The following ISLR2 variants were observed in gnomAD, a reference collection of about 807,000 sequenced individuals.
The protein encoded by ISLR2 is immunoglobulin superfamily containing leucine rich repeat 2, also known as immunoglobulin superfamily containing leucine-rich repeat protein 2.
A neutral mutation model predicts 25.5 loss-of-function variants in ISLR2; 16 were observed. That is an observed-to-expected ratio of 0.63 (90% CI 0.43 to 0.95). The LOEUF (loss-of-function observed/expected upper bound fraction) is 0.95, where lower values mean the gene tolerates loss of function less well. Ranked by LOEUF, ISLR2 falls within the 40% of genes least tolerant of loss-of-function variation. The pLI, the probability that ISLR2 is intolerant of heterozygous loss-of-function variation, is 0.00. For missense variants in ISLR2, 883 were observed against 1,030.7 expected (o/e 0.86, Z 1.96); for synonymous variants, 508 against 486.6 (o/e 1.04, Z -0.58).
chr15:74,125,132 T>C (rs566999326), upstream of ISLR2, among the ~76,000 whole-genome samples: 3 of 152,238 alleles, frequency 2.0e-5, no homozygotes, highest in African/African-American at 4.8e-5. Context: ...TCAGAAAATC[T>C]CTTGGGGAAA....
intron 1 of ISLR2, among the ~76,000 whole-genome samples, chr15:74,100,677 T>C (rs2072077892): frequency 8.0e-6 from 1 of 125,642 alleles, no homozygotes; most frequent in Admixed American, 8.8e-5. Flanking sequence ...TAAAGCTTAA[T>C]AAGTTTTCAT....
At chr15:74,141,159 T>C (rs1034532885), downstream of ISLR2, among the ~76,000 whole-genome samples, 1 of 152,250 alleles carries the variant, frequency 6.6e-6, no homozygotes, top group East Asian at 1.9e-4. Flanking sequence ...GTGTGCTTTG[T>C]TTGAACATGT....
chr15:74,123,322 C>G (rs2072267886), upstream of ISLR2, among the ~76,000 whole-genome samples: 1 of 152,046 alleles, frequency 6.6e-6, no homozygotes, highest in Non-Finnish European at 1.5e-5. Flanking sequence ...ACCCCAGGCT[C>G]CCAAGGAGGG....
At chr15:74,114,006 C>G (rs1262842442) in intron 2 of ISLR2, among the ~76,000 whole-genome samples, 2 of 152,258 alleles carry the variant, frequency 1.3e-5, no homozygotes, top group Non-Finnish European at 2.9e-5. Flanking sequence ...CTTTCTGATA[C>G]TCTGCCACAC....
Position 74,136,284 on chromosome 15 carries a change from G to T in ISLR2, c.*1292G>T. 6.0e-6 allele frequency: 1 copy of T among 165,918 alleles called. No individual in the cohort carries two copies. The allele number at this position is 165,918 out of a possible 1,614,324, so 10.3% of individuals were successfully genotyped here. A position where few individuals can be genotyped will look rare whatever the true frequency, so the allele number is the denominator to read the frequency against. On this transcript the variant is annotated 3_prime_UTR_variant, in exon 3 of 3. Coordinates refer to ENST00000453268, the MANE Select transcript of ISLR2 (RefSeq NM_020851.3). ...ACCCTAGCTGGAAAGCGCCGGAGGC[G>T]GAGGAAGCTGACTGTGGCCTCCCGG...
rs752612967 is a variant in ISLR2 at position 74,134,950 on chromosome 15, C to T, written c.2196C>T (p.Ile732=). 13 of 1,613,768 alleles carry T rather than the reference C, an allele frequency of 8.1e-6. No homozygotes were observed. Among genetic ancestry groups the T allele is most frequent in the South Asian group, 1.1e-5 (1 of 91,076 alleles). ...RLPLGAEAVN[I]AQEINGNYRQ... is the part of the protein sequence containing the mutation. ...CCCTGGGCGCCGAGGCGGTCAACATCGCCCAGGAGATTAATGGCAACTACA... is the reference window on the plus strand; with the variant it reads ...CCCTGGGCGCCGAGGCGGTCAACATTGCCCAGGAGATTAATGGCAACTACA... The change falls in exon 3 of 3, where the codon ATC becomes ATT. Residue 732 remains isoleucine, a synonymous_variant. Transcript: ENST00000453268.
At chr15:74,102,526 TAG>T (rs2072088203) in intron 1 of ISLR2, among the ~76,000 whole-genome samples, 1 of 149,570 alleles carries the variant, frequency 6.7e-6, no homozygotes, top group African/African-American at 2.5e-5. Flanking sequence ...TCTCAAACAT[TAG>T]AGTGCATCCT....
intron 2 of ISLR2, among the ~76,000 whole-genome samples, chr15:74,111,193 G>T (rs1262724511): frequency 4.6e-5 from 7 of 150,978 alleles, no homozygotes; most frequent in Non-Finnish European, 8.8e-5. Context: ...TGCACAACTT[G>T]GATGTATCTC....
At position 74,134,303 on chromosome 15, in the gene ISLR2, G is replaced by A; in HGVS notation, c.1549G>A (p.Gly517Ser). Reference sequence around the variant, plus strand: ...CTGGGGCCCTGGGCCCGGCGGGGCTGGCGGAGCCCCGCGACCCGGGCGGCG... The same window carrying A: ...CTGGGGCCCTGGGCCCGGCGGGGCTAGCGGAGCCCCGCGACCCGGGCGGCG... Reference protein sequence around the residue: ...ARWGPGPGGAGGAPRPGRRPL... With the variant: ...ARWGPGPGGASGAPRPGRRPL... Residue 517 changes from glycine (G) to serine (S), a missense_variant, in exon 3 of 3, where the codon GGC (glycine) becomes AGC (serine). Gly to Ser is a moderately conservative substitution (Grantham distance 56). This residue lies in a region of ISLR2 where 612 missense variants were observed against 642.8 expected (regional missense o/e 0.95). Transcript: ENST00000453268. 2 of 1,532,046 alleles carry A rather than the reference G, an allele frequency of 1.3e-6. No homozygotes were observed. Among genetic ancestry groups the A allele is most frequent in the South Asian group, 1.2e-5 (1 of 81,674 alleles). 94.9% of individuals were successfully genotyped at this position (1,532,046 alleles called of 1,614,324 possible).
At chr15:74,123,314 C>T (rs555422171), upstream of ISLR2, among the ~76,000 whole-genome samples, 18 of 151,888 alleles carry the variant, frequency 1.2e-4, no homozygotes, top group Non-Finnish European at 2.5e-4. Flanking sequence ...AAGCCACAAC[C>T]CCAGGCTCCC....
chr15:74,114,531 G>C lies in ISLR2; in HGVS notation n.228+10617G>C, dbSNP rs375297973. ...CCAGCACTTTGGGAGGCTGAGGTGG[G>C]AGGATCGCTTGAGGCCATGAAGTGG... is the stretch of plus-strand genomic sequence containing the variant. On this transcript the variant is annotated intron_variant and non_coding_transcript_variant, in intron 2 of 3. Coordinates refer to the ISLR2 transcript ENST00000561975. Among the ~76,000 whole-genome samples the C allele has an allele frequency of 9.9e-5, 15 of 152,134 alleles. No homozygotes were observed. In the East Asian group the frequency reaches 1.9e-3, roughly 20 times the overall value.
At chr15:74,115,951 A>G (rs1198759840) in intron 2 of ISLR2, among the ~76,000 whole-genome samples, 1 of 151,684 alleles carries the variant, frequency 6.6e-6, no homozygotes, top group Admixed American at 6.6e-5. Context: ...TAATCCCAGC[A>G]CTTTGGGAGG....
intron 2 of ISLR2, among the ~76,000 whole-genome samples, chr15:74,114,427 A>C (rs1441620366): frequency 6.6e-6 from 1 of 152,188 alleles, no homozygotes; most frequent in Non-Finnish European, 1.5e-5. Flanking sequence ...CCACTGACAC[A>C]CAGGAAAAAA....
rs746640847 is a variant in ISLR2 at position 74,133,463 on chromosome 15, C to G, written c.709C>G (p.Leu237Val). 12 of 1,612,396 alleles carry G rather than the reference C, an allele frequency of 7.4e-6. No homozygotes were observed. Among genetic ancestry groups the G allele is most frequent in the Admixed American group, 6.7e-5 (4 of 60,012 alleles). ...GCCCTGTGCACCGCCCAGCGTGCAT[C>G]TGAGTGCCGAGCCACCGCTTGAAGC... ...ALPCAPPSVH[L>V]SAEPPLEAPG... Residue 237 changes from leucine to valine, a missense_variant, in exon 3 of 3, where the codon CTG (leucine) becomes GTG (valine). Transcript: ENST00000453268.
At chr15:74,116,237 C>T (rs1394804550) in intron 2 of ISLR2, among the ~76,000 whole-genome samples, 2 of 151,862 alleles carry the variant, frequency 1.3e-5, no homozygotes, top group Non-Finnish European at 2.9e-5. Context: ...AAAAAGTTAA[C>T]TCTGCAGATA....
At chr15:74,129,748 G>C (rs941958358), upstream of ISLR2, 1 of 152,512 alleles carries the variant, frequency 6.6e-6, no homozygotes, top group Non-Finnish European at 1.5e-5. The surrounding 1 kb of genome is among the most constrained non-coding windows in gnomAD (Gnocchi z 4.5). Flanking sequence ...GCGGGGCGGT[G>C]AGGGGCCACC....
intron 2 of ISLR2, among the ~76,000 whole-genome samples, chr15:74,120,725 C>T (rs1455001935): frequency 6.6e-6 from 1 of 151,920 alleles, no homozygotes; most frequent in Non-Finnish European, 1.5e-5. Context: ...AACCTGCTTA[C>T]CCTTTGTGAT....
chr15:74,134,010 G>T lies in ISLR2; in HGVS notation c.1256G>T (p.Gly419Val). 1 of 1,612,944 alleles carries T rather than the reference G, an allele frequency of 6.2e-7. No individual in the cohort carries two copies. The highest frequency in any genetic ancestry group is 8.5e-7 in the Non-Finnish European group (1 of 1,179,578). ...LPSKPEGKIK[G>V]QGLAKVSILG... ...TCCAAACCCGAGGGCAAAATCAAAGGCCAAGGCCTGGCCAAGGTCAGCATT... is the reference window on the plus strand; with the variant it reads ...TCCAAACCCGAGGGCAAAATCAAAGTCCAAGGCCTGGCCAAGGTCAGCATT... The change falls in exon 3 of 3, where the codon GGC becomes GTC. Residue 419 changes from glycine to valine, a missense_variant. Gly to Val is a moderately radical substitution (Grantham distance 109). Coordinates refer to ENST00000453268, the MANE Select transcript of ISLR2 (RefSeq NM_020851.3).
chr15:74,122,347 A>G (rs574615551), intron 2 of ISLR2, among the ~76,000 whole-genome samples: 129 of 152,340 alleles, frequency 8.5e-4, no homozygotes, highest in African/African-American at 2.9e-3. Flanking sequence ...CCAGGCTACT[A>G]GAGCTGATTG....
Sources: allele counts gnomAD v4.1 joint callset (sites outside exome capture counted in the v4.1 genomes callset), GRCh38; gene constraint gnomAD v4.1.1; regional missense constraint gnomAD v4.1.1; non-coding constraint Gnocchi (gnomAD v3.1); transcripts MANE v1.5; gene names NCBI Gene and HGNC (gene_info 2026-07-23, HGNC 2026-07-21).